ZPLD1: variants seen among roughly 807,000 people sequenced by gnomAD.
The protein encoded by ZPLD1 is zona pellucida like domain containing 1, also known as zona pellucida-like domain-containing protein 1.
Under a neutral mutation model 47.2 loss-of-function variants are expected in ZPLD1, and 34 were observed. The ratio of observed to expected loss-of-function variants is 0.72; its 90% CI spans 0.55 to 0.96. The LOEUF is 0.96. ZPLD1 is among the 40% of genes least tolerant of loss of function. ZPLD1 has a pLI of 0.00. For synonymous variants in ZPLD1, 176 were observed against 186.2 expected (o/e 0.95, Z 0.45); for missense variants, 512 against 505.8 (o/e 1.01, Z -0.12).
rs894334710 is a variant in ZPLD1 at position 102,456,332 on chromosome 3, G to A, written c.467G>A (p.Ser156Asn). 10 of 1,613,464 alleles carry A rather than the reference G, an allele frequency of 6.2e-6. No homozygotes were observed. The highest frequency in any genetic ancestry group is 7.6e-6 in the Non-Finnish European group (9 of 1,179,760). The stretch of plus-strand genomic sequence containing the variant: ...GGGCTTCTTTACAAATTTAGTTGTA[G>A]TTATCCATTGGAATACCTGGTTAAT... ...LPGLLYKFSCSYPLEYLVNNT... is the reference protein window; with the variant it reads ...LPGLLYKFSCNYPLEYLVNNT... The change falls in exon 5 of 12, where the codon AGT becomes AAT. Residue 156 changes from serine (S) to asparagine (N), a missense_variant. By Grantham distance (46) the Ser-to-Asn change is conservative. Transcript: ENST00000466937.
chr3:102,413,621 A>C (rs114766417), intron 7 of ZPLD1, among the ~76,000 whole-genome samples: 1,760 of 151,914 alleles, frequency 0.012, 25 homozygotes, highest in Middle Eastern at 0.024. Context: ...CATTCCCTAT[A>C]AATGGGCATA....
At chr3:102,399,321 ATCT>A (rs1484237104) in intron 7 of ZPLD1, among the ~76,000 whole-genome samples, 1 of 152,086 alleles carries the variant, frequency 6.6e-6, no homozygotes, top group East Asian at 1.9e-4. Flanking sequence ...GCTATATGTA[ATCT>A]TCTCCATGCC....
chr3:102,411,106 A>G (rs1192672380), intron 7 of ZPLD1, among the ~76,000 whole-genome samples: 4 of 151,814 alleles, frequency 2.6e-5, no homozygotes, highest in Non-Finnish European at 5.9e-5. Flanking sequence ...ATTGTGGGGA[A>G]GAAATACATT....
upstream of ZPLD1, among the ~76,000 whole-genome samples, chr3:102,433,669 G>A (rs987808562): frequency 3.9e-5 from 6 of 152,142 alleles, no homozygotes; most frequent in African/African-American, 1.4e-4. Context: ...CTGGGACTAA[G>A]GCACCCGCCA....
At chr3:102,446,503 T>A (rs1707257531) in intron 3 of ZPLD1, among the ~76,000 whole-genome samples, 1 of 152,160 alleles carries the variant, frequency 6.6e-6, no homozygotes, top group Non-Finnish European at 1.5e-5. Context: ...TTTCCAACTA[T>A]CTGCTGTACA....
intron 8 of ZPLD1, 111 bp downstream of exon 8, chr3:102,464,362 T>C: frequency 4.2e-6 from 3 of 720,478 alleles, no homozygotes; most frequent in Non-Finnish European, 4.4e-6. Flanking sequence ...AGCTTTTGAA[T>C]TTCAAGTTTT....
intron 7 of ZPLD1, among the ~76,000 whole-genome samples, chr3:102,404,347 C>T (rs536623509): frequency 2.6e-5 from 4 of 151,830 alleles, no homozygotes; most frequent in Non-Finnish European, 4.4e-5. Flanking sequence ...TAAGTTGTCC[C>T]GCTGATTTAT....
At chr3:102,390,316 T>C (rs62274717) in intron 6 of ZPLD1, among the ~76,000 whole-genome samples, 48,138 of 152,070 alleles carry the variant, frequency 0.32, 7,966 homozygotes, top group Middle Eastern at 0.42. Flanking sequence ...ACCCTTAAGT[T>C]TCTCCGTTTT....
chr3:102,462,351 C>A lies in ZPLD1; in HGVS notation c.653C>A (p.Ala218Asp), dbSNP rs755279304. The change falls in exon 7 of 12, where the codon GCT becomes GAT. Residue 218 changes from alanine to aspartate, a missense_variant. By Grantham distance (126) the Ala-to-Asp change is moderately radical (BLOSUM62 -2). Transcript: ENST00000466937. ...CCTTTGAAAACCAAAGTATTTGCAG[C>A]TGTCCAAGCCACTAATTTGGATGGC... ...GLPLKTKVFA[A>D]VQATNLDGRW... 6.2e-7 allele frequency: 1 copy of A among 1,609,806 alleles called. No individual in the cohort carries two copies. The highest frequency in any genetic ancestry group is 2.2e-5 in the East Asian group (1 of 44,634).
chr3:102,428,278 T>A (rs1211730724), intron 8 of ZPLD1, among the ~76,000 whole-genome samples: 1 of 152,148 alleles, frequency 6.6e-6, no homozygotes, highest in Non-Finnish European at 1.5e-5. Flanking sequence ...GATTTTACGG[T>A]TTAAAGACGT....
chr3:102,470,571 C>T (rs895625359), intron 10 of ZPLD1, 69 bp downstream of exon 10: 15 of 1,288,068 alleles, frequency 1.2e-5, no homozygotes, highest in African/African-American at 7.3e-5. Flanking sequence ...TGGCTTCTAA[C>T]GAGAACTCAA....
intron 7 of ZPLD1, among the ~76,000 whole-genome samples, chr3:102,402,870 T>C (rs1323214522): frequency 6.6e-6 from 1 of 151,972 alleles, no homozygotes; most frequent in African/African-American, 2.4e-5. Context: ...GCTGTGACTG[T>C]GGGATAATGA....
chr3:102,413,608 G>C (rs1158742280), intron 7 of ZPLD1, among the ~76,000 whole-genome samples: 1 of 151,626 alleles, frequency 6.6e-6, no homozygotes, highest in Non-Finnish European at 1.5e-5. Context: ...TGGGCCCAAT[G>C]GACATTCCCT....
intron 7 of ZPLD1, among the ~76,000 whole-genome samples, chr3:102,463,142 A>T (rs971906379): frequency 2.0e-5 from 3 of 151,846 alleles, no homozygotes; most frequent in African/African-American, 7.3e-5. Flanking sequence ...ATGGATTAGT[A>T]TTTTTTTTAT....
intron 3 of ZPLD1, among the ~76,000 whole-genome samples, chr3:102,442,353 CA>C (rs1430648063): frequency 6.7e-6 from 1 of 149,142 alleles, no homozygotes; most frequent in Non-Finnish European, 1.5e-5. Context: ...CACACACACA[CA>C]CACACACACA....
At chr3:102,408,140 C>T (rs917214573) in intron 7 of ZPLD1, among the ~76,000 whole-genome samples, 6 of 151,818 alleles carry the variant, frequency 4.0e-5, no homozygotes, top group African/African-American at 7.3e-5. Flanking sequence ...ATCGATGTCC[C>T]AGATGCCCTC....
intron 2 of ZPLD1, 124 bp downstream of exon 2, chr3:102,437,097 C>CCATACCT: frequency 3.0e-6 from 1 of 337,444 alleles, no homozygotes; most frequent in Non-Finnish European, 4.2e-6. Flanking sequence ...ATAATGATGG[C>CCATACCT]GCAGGTATGG....
chr3:102,474,974 T>C (rs985805657), intron 10 of ZPLD1, among the ~76,000 whole-genome samples: 1 of 151,954 alleles, frequency 6.6e-6, no homozygotes, highest in Non-Finnish European at 1.5e-5. Context: ...GGCTATACAG[T>C]GCTTTGATTT....
At chr3:102,395,977 C>T (rs1194700325) in intron 7 of ZPLD1, among the ~76,000 whole-genome samples, 2 of 152,056 alleles carry the variant, frequency 1.3e-5, no homozygotes, top group African/African-American at 4.8e-5. Context: ...TTTAATAATG[C>T]ATGTTCATGA....
Sources: gnomAD v4.1 joint callset for allele counts (sites outside exome capture counted in the v4.1 genomes callset) on GRCh38, gnomAD v4.1.1 for gene constraint, MANE v1.5 for transcripts, NCBI Gene and HGNC (gene_info 2026-07-23, HGNC 2026-07-21) for gene names.